Variants in JPH3 observed in about 807,000 individuals in gnomAD.
JPH3 encodes the protein junctophilin-3.
A neutral mutation model predicts 59.6 loss-of-function variants in JPH3; 11 were observed. That is an observed-to-expected ratio of 0.18 (90% CI 0.12 to 0.31). The LOEUF (loss-of-function observed/expected upper bound fraction) is 0.31. Among genes scored for constraint, JPH3 ranks in the 10% least tolerant of loss-of-function variants. The pLI is 1.00. For missense variants in JPH3, 1,202 were observed against 1,105.7 expected, an observed-to-expected ratio of 1.09 and a Z score of -1.24; for synonymous variants, 673 against 483.6, an observed-to-expected ratio of 1.39 and a Z score of -5.14.
intron 1 of JPH3, among the ~76,000 whole-genome samples, chr16:87,616,645 C>T (rs2030981611): frequency 6.6e-6 from 1 of 152,152 alleles, no homozygotes; most frequent in Non-Finnish European, 1.5e-5. Flanking sequence ...GTGTCCCCCT[C>T]ATGTGGTCTC....
chr16:87,656,142 C>A (rs573902048), intron 2 of JPH3, among the ~76,000 whole-genome samples: 2 of 152,236 alleles, frequency 1.3e-5, no homozygotes, highest in African/African-American at 2.4e-5. Flanking sequence ...GAGCCAGGAG[C>A]CCTGAGGGCG....
intron 1 of JPH3, among the ~76,000 whole-genome samples, chr16:87,640,995 C>A (rs1221548847): frequency 1.3e-5 from 2 of 152,212 alleles, no homozygotes; most frequent in African/African-American, 4.8e-5. Flanking sequence ...TCCTCACAAC[C>A]CCAGCCTGGA....
In JPH3 at chr16:87,659,393, AAAAAAG is replaced by A. The variant is rs1016133680; in HGVS notation, c.1160+14363_1160+14368del. 4.4e-4 allele frequency among the ~76,000 whole-genome samples: 64 copies of A among 146,788 alleles called. 5 individuals carry two copies. Among genetic ancestry groups the A allele is most frequent in the Non-Finnish European group, 6.4e-4 (43 of 66,724 alleles). ...CTGTCTCAAAAAAAAAAAAGAAAAAAAAAAAGAAAACTACACACACATACACACAAC... is the reference window on the plus strand; with the variant it reads ...CTGTCTCAAAAAAAAAAAAGAAAAAAAAAACTACACACACATACACACAAC... On this transcript the variant is annotated intron_variant, in intron 2 of 4. Coordinates refer to ENST00000284262, the MANE Select transcript of JPH3 (RefSeq NM_020655.4).
chr16:87,637,790 T>G (rs908460936), intron 1 of JPH3, among the ~76,000 whole-genome samples: 3 of 152,132 alleles, frequency 2.0e-5, no homozygotes, highest in Non-Finnish European at 4.4e-5. Context: ...GCTCAAGGAT[T>G]CCAGATGCTG....
At position 87,696,476 on chromosome 16, in the gene JPH3, C is replaced by A. The variant is rs1435416819; in HGVS notation, c.2167-104C>A. On this transcript the variant is annotated intron_variant, in intron 4 of 4. Transcript: ENST00000284262. ...AACATCCTCCCGTACGCTTCCACCC[C>A]CGAGGGTCTGCTAGCTTGGTGAAAA... The A allele has an allele frequency of 6.5e-6, 6 of 929,460 alleles. No individual in the cohort carries two copies. The African/African-American group carries it at 6.5e-5, about 10-fold the overall frequency. The allele number at this position is 929,460 out of a possible 1,614,324, so 57.6% of individuals were successfully genotyped here.
intron 4 of JPH3, chr16:87,694,272 C>G (rs960938758): frequency 5.3e-5 from 8 of 152,272 alleles, no homozygotes; most frequent in African/African-American, 1.9e-4. Flanking sequence ...CTGTTTTGGG[C>G]CACGTGCTCA....
intron 4 of JPH3, 163 bp from the exon 5 acceptor site, chr16:87,696,417 G>T (rs1276111049): frequency 1.6e-6 from 1 of 630,972 alleles, no homozygotes. Flanking sequence ...ACGGAGCTCA[G>T]GTTCTGGTGG....
chr16:87,615,516 T>C (rs936315418), intron 1 of JPH3, among the ~76,000 whole-genome samples: 1 of 152,202 alleles, frequency 6.6e-6, no homozygotes, highest in South Asian at 2.1e-4. Flanking sequence ...TGTTCATTTG[T>C]TTCGTCTCCT....
At chr16:87,675,337 G>T (rs1230513132) in intron 2 of JPH3, among the ~76,000 whole-genome samples, 1 of 152,154 alleles carries the variant, frequency 6.6e-6, no homozygotes, top group Non-Finnish European at 1.5e-5. Context: ...CCAACCCAGA[G>T]TGTCGGTGCT....
chr16:87,690,129 C>A lies in JPH3; in HGVS notation c.1769C>A (p.Ala590Asp), dbSNP rs1479299215. The A allele has an allele frequency of 3.8e-6, 6 of 1,590,736 alleles. No individual in the cohort carries two copies. Among genetic ancestry groups the A allele is most frequent in the Middle Eastern group, 3.3e-4 (2 of 6,036 alleles). Reference protein sequence around the residue: ...PVFTWTSHHRASNHSPGGSRL... With the variant: ...PVFTWTSHHRDSNHSPGGSRL... ...TTCACGTGGACTTCCCACCACCGGG[C>A]CAGCAACCACAGCCCCGGAGGCTCC... Residue 590 changes from alanine to aspartate, a missense_variant, in exon 4 of 5, where the codon GCC (alanine) becomes GAC (aspartate). Transcript: ENST00000284262.
chr16:87,616,995 C>A (rs1381366546), intron 1 of JPH3, among the ~76,000 whole-genome samples: 1 of 152,120 alleles, frequency 6.6e-6, no homozygotes, highest in Non-Finnish European at 1.5e-5. Flanking sequence ...GAGGCCTAGG[C>A]GGGTGGGTCA....
chr16:87,643,252 TC>T (rs1244369861), intron 1 of JPH3, among the ~76,000 whole-genome samples: 1 of 152,226 alleles, frequency 6.6e-6, no homozygotes, highest in African/African-American at 2.4e-5. Context: ...TGATGTTCCA[TC>T]GTATGGACGG....
chr16:87,688,454 C>G (rs1325952211), intron 3 of JPH3, among the ~76,000 whole-genome samples: 2 of 133,052 alleles, frequency 1.5e-5, no homozygotes, highest in East Asian at 1.9e-4. Context: ...CCCAGACCTT[C>G]TCCTGCCAAA....
At chr16:87,628,679 G>C (rs902889894) in intron 1 of JPH3, among the ~76,000 whole-genome samples, 4 of 152,224 alleles carry the variant, frequency 2.6e-5, no homozygotes, top group African/African-American at 9.6e-5. Flanking sequence ...GCGGGGCTGT[G>C]CGAGAATCGA....
intron 1 of JPH3, among the ~76,000 whole-genome samples, chr16:87,641,497 G>T (rs898651397): frequency 2.6e-5 from 4 of 152,288 alleles, no homozygotes; most frequent in African/African-American, 9.6e-5. Context: ...GTGGGACGAG[G>T]CTGAAGCTGA....
chr16:87,639,799 GA>G (rs2031884702), intron 1 of JPH3, among the ~76,000 whole-genome samples: 1 of 152,218 alleles, frequency 6.6e-6, no homozygotes, highest in African/African-American at 2.4e-5. Context: ...TCCACTGCAT[GA>G]CGGCCTCAAG....
intron 2 of JPH3, among the ~76,000 whole-genome samples, chr16:87,655,846 AG>A (rs1055334615): frequency 5.9e-5 from 9 of 152,300 alleles, no homozygotes; most frequent in Admixed American, 3.9e-4. Flanking sequence ...GGATTGAATG[AG>A]GTTCGACAGT....
intron 1 of JPH3, among the ~76,000 whole-genome samples, chr16:87,617,225 AAAAC>A (rs374127389): frequency 1.8e-4 from 28 of 152,302 alleles, no homozygotes; most frequent in African/African-American, 4.1e-4. Context: ...TCTGTCTCAA[AAAAC>A]AAACAAACAA....
Position 87,642,837 on chromosome 16 carries a change from AG to A in JPH3, c.383-1420del, listed in dbSNP as rs2032000023. Among the ~76,000 whole-genome samples, 4 of 152,368 alleles carry A rather than the reference AG, an allele frequency of 2.6e-5. No individual in the cohort carries two copies. The South Asian group carries it at 8.3e-4, about 32-fold the overall frequency. On this transcript the variant is annotated intron_variant, in intron 1 of 4. Transcript: ENST00000284262. ...GAAACTTCCCTGAGTCACAGCTCAC[AG>A]AGCAAGACATGGGCCCAGGTCTGCT...
Sources: allele counts gnomAD v4.1 joint callset (sites outside exome capture counted in the v4.1 genomes callset), GRCh38; gene constraint gnomAD v4.1.1; transcripts MANE v1.5; gene names NCBI Gene and HGNC (gene_info 2026-07-23, HGNC 2026-07-21).